The following LYST variants were observed in gnomAD, a reference collection of about 807,000 sequenced individuals.
LYST encodes the protein lysosomal trafficking regulator, also known as lysosomal-trafficking regulator.
LYST carries 192 observed loss-of-function variants against 413.6 expected under a neutral mutation model. The ratio of observed to expected loss-of-function variants is 0.46; its 90% CI spans 0.41 to 0.52. The LOEUF (loss-of-function observed/expected upper bound fraction) is 0.52, where lower values mean the gene tolerates loss of function less well. LYST is among the 20% of genes least tolerant of loss of function. The pLI, the probability that LYST is intolerant of heterozygous loss-of-function variation, is 0.00. For synonymous variants in LYST, 1,525 were observed against 1,567.3 expected, an observed-to-expected ratio of 0.97 and a Z score of 0.64; for missense variants, 3,815 against 4,499.9, an observed-to-expected ratio of 0.85 and a Z score of 4.35.
At position 235,787,284 on chromosome 1, in the gene LYST, T is replaced by A. The variant is rs748175961; in HGVS notation, c.4778A>T (p.Gln1593Leu). 6.2e-7 allele frequency: 1 copy of A among 1,613,614 alleles called. No homozygotes were observed. Among genetic ancestry groups the A allele is most frequent in the South Asian group, 1.1e-5 (1 of 91,076 alleles). ...QENIFLPSKW[Q>L]HLVLTYLQQP... ...CTGTAAGTAGGTGAGTACTAAATGTTGCCATTTGCTTGGGAGGAAAATATT... is the reference window on the plus strand; with the variant it reads ...CTGTAAGTAGGTGAGTACTAAATGTAGCCATTTGCTTGGGAGGAAAATATT... Residue 1593 changes from glutamine (Q) to leucine (L), a missense_variant, in exon 14 of 53, where the codon CAA (glutamine) becomes CTA (leucine). Gln to Leu is a moderately radical substitution (Grantham distance 113). Coordinates refer to ENST00000389793, the MANE Select transcript of LYST (RefSeq NM_000081.4).
chr1:235,738,008 G>T, intron 31 of LYST: 1 of 1,500,180 alleles, frequency 6.7e-7, no homozygotes. Context: ...TCAAGTATAC[G>T]CTCAAGGATC....
intron 37 of LYST, among the ~76,000 whole-genome samples, chr1:235,728,525 C>G (rs955515964): frequency 7.2e-5 from 11 of 152,104 alleles, no homozygotes; most frequent in African/African-American, 2.7e-4. Context: ...AAGTGGTAAA[C>G]CAAATTATCT....
At chr1:235,702,152 G>A (rs754837559) in intron 45 of LYST, among the ~76,000 whole-genome samples, 5 of 152,114 alleles carry the variant, frequency 3.3e-5, no homozygotes, top group South Asian at 2.1e-4. Context: ...TTTTTATAAC[G>A]AAGAATTGAG....
intron 3 of LYST, among the ~76,000 whole-genome samples, chr1:235,818,481 T>C (rs944431012): frequency 5.9e-5 from 9 of 152,148 alleles, no homozygotes; most frequent in African/African-American, 1.9e-4. Flanking sequence ...CTTTAAATTT[T>C]AGATGCAAAA....
rs957731885 is a variant in LYST at position 235,810,041 on chromosome 1, A to G, written c.777T>C (p.His259=). ...NMNNSPFDLC[H]VLLSLLEKVC... is the part of the protein sequence containing the mutation. ...CTTTTTCTAATAAAGATAACAAAAC[A>G]TGACATAAGTCAAATGGAGAATTGT... Residue 259 remains histidine, a synonymous_variant, in exon 5 of 53, where the codon CAT becomes CAC. Coordinates refer to ENST00000389793, the MANE Select transcript of LYST (RefSeq NM_000081.4). 1.2e-5 allele frequency: 19 copies of G among 1,613,942 alleles called. No individual in the cohort carries two copies. In the African/African-American group the frequency reaches 2.4e-4, roughly 20 times the overall value.
chr1:235,741,437 G>A lies in LYST; in HGVS notation c.8343C>T (p.Leu2781=). The A allele has an allele frequency of 6.2e-7, 1 of 1,613,712 alleles. No individual in the cohort carries two copies. Among genetic ancestry groups the A allele is most frequent in the South Asian group, 1.1e-5 (1 of 91,066 alleles). The part of the protein sequence containing the change: ...PNHQEILRDC[L]SPSLQHGAKL... ...AGATACTTACTTGTAGGGATGGGCT[G>A]AGACAGTCTCGTAGTATTTCCTGAT... Residue 2781 remains leucine, a synonymous_variant, in exon 31 of 53, where the codon CTC becomes CTT. Coordinates refer to ENST00000389793, the MANE Select transcript of LYST (RefSeq NM_000081.4).
chr1:235,701,396 G>A (rs1184661156), intron 45 of LYST, among the ~76,000 whole-genome samples: 2 of 152,192 alleles, frequency 1.3e-5, no homozygotes, highest in Non-Finnish European at 2.9e-5. Flanking sequence ...TTGGGAGGCC[G>A]AGGCGGGCAG....
At chr1:235,835,940 TACA>T (rs1349975675) in intron 1 of LYST, among the ~76,000 whole-genome samples, 8 of 152,186 alleles carry the variant, frequency 5.3e-5, no homozygotes, top group African/African-American at 1.9e-4. Context: ...CAATTTCTAA[TACA>T]ACAATTGTTA....
intron 14 of LYST, among the ~76,000 whole-genome samples, chr1:235,782,344 ATT>A (rs569482960): frequency 6.8e-6 from 1 of 147,184 alleles, no homozygotes; most frequent in African/African-American, 2.5e-5. Context: ...AATTTTTTGT[ATT>A]TTTTTTTTAG....
Position 235,792,181 on chromosome 1 carries a change from A to C in LYST, c.4117-56T>G, listed in dbSNP as rs928670251. 3.5e-6 allele frequency: 4 copies of C among 1,147,266 alleles called. No homozygotes were observed. The Admixed American group carries it at 5.9e-5, about 17-fold the overall frequency. The allele number at this position is 1,147,266 out of a possible 1,614,324, so 71.1% of individuals were successfully genotyped here. A position where few individuals can be genotyped will look rare whatever the true frequency, so the allele number is the denominator to read the frequency against. On this transcript the variant is annotated intron_variant, in intron 11 of 52. Transcript: ENST00000389793. ...CTAATCACGTAATAAAGTACATAAT[A>C]ATCTTGAAATTTAGGTTATAAATGA...
chr1:235,882,078 TCACACACACACA>T (rs71174466), intron 1 of LYST, among the ~76,000 whole-genome samples: 1 of 145,732 alleles, frequency 6.9e-6, no homozygotes, highest in African/African-American at 2.6e-5. Context: ...ACTCTTTCTT[TCACACACACACA>T]CACACACACA....
chr1:235,823,736 G>A (rs1675030758), intron 3 of LYST, among the ~76,000 whole-genome samples: 1 of 152,172 alleles, frequency 6.6e-6, no homozygotes, highest in Non-Finnish European at 1.5e-5. Flanking sequence ...CAATTCTTCT[G>A]GTCTGGTGTT....
intron 1 of LYST, among the ~76,000 whole-genome samples, chr1:235,838,387 T>C (rs1336915089): frequency 1.3e-5 from 2 of 152,232 alleles, no homozygotes; most frequent in Admixed American, 6.5e-5. Context: ...CATGGGAATC[T>C]AGATATATTA....
chr1:235,736,101 CTTAAG>C (rs1174341143), intron 31 of LYST: 4 of 152,038 alleles, frequency 2.6e-5, no homozygotes, highest in Admixed American at 6.5e-5. Context: ...TTCTTAAACG[CTTAAG>C]TTGTTTCTAA....
chr1:235,869,901 T>C (rs566931107), upstream of LYST, among the ~76,000 whole-genome samples: 2 of 152,234 alleles, frequency 1.3e-5, no homozygotes, highest in East Asian at 3.9e-4. Context: ...AGTCCTGCTT[T>C]AAGGGCTTTG....
In LYST at chr1:235,731,120, T is replaced by A; in HGVS notation, c.8859A>T (p.Glu2953Asp). The change falls in exon 35 of 53, where the codon GAA (glutamate) becomes GAT (aspartate). Residue 2953 changes from glutamate to aspartate, a missense_variant. Transcript: ENST00000389793. Reference protein sequence around the residue: ...YPTSWQLDPTEGPNRERRRLQ... With the variant: ...YPTSWQLDPTDGPNRERRRLQ... Reference sequence around the variant, plus strand: ...AACGTCTCCTCTCTCGATTTGGCCCTTCTGTTGGATCCAACTGCCATGAGG... The same window carrying A: ...AACGTCTCCTCTCTCGATTTGGCCCATCTGTTGGATCCAACTGCCATGAGG... 1 of 1,613,748 alleles carries A rather than the reference T, an allele frequency of 6.2e-7. No homozygotes were observed. Among genetic ancestry groups the A allele is most frequent in the South Asian group, 1.1e-5 (1 of 91,076 alleles).
chr1:235,664,544 A>T lies in LYST; in HGVS notation c.11116T>A (p.Cys3706Ser), dbSNP rs1481260242. 9 of 1,614,048 alleles carry T rather than the reference A, an allele frequency of 5.6e-6. No homozygotes were observed. Among genetic ancestry groups the T allele is most frequent in the African/African-American group, 2.7e-5 (2 of 74,932 alleles). Residue 3706 changes from cysteine to serine, a missense_variant, in exon 51 of 53, where the codon TGT becomes AGT. Cys to Ser is a moderately radical substitution (Grantham distance 112). Around this residue, in one of 4 missense-constraint regions of LYST, gnomAD observed 866 missense variants for 1,156.0 expected, o/e 0.75. Transcript: ENST00000389793. This position sits in a 1 kb window ranked among gnomAD's most constrained non-coding sequence, Gnocchi z 4.5. The part of the protein sequence containing the change: ...VGHVHCREII[C>S]SVAFSNQPEG... ...GGCTGGTTGGAGAAAGCCACGGAAC[A>T]GATGATCTCCCTGCAGTGGACATGT...
At chr1:235,846,684 A>G (rs558094387) in intron 1 of LYST, among the ~76,000 whole-genome samples, 1 of 152,144 alleles carries the variant, frequency 6.6e-6, no homozygotes, top group Non-Finnish European at 1.5e-5. Context: ...AAAAAAAACA[A>G]TAAAAAATTC....
intron 14 of LYST, among the ~76,000 whole-genome samples, chr1:235,783,286 T>A (rs1047751244): frequency 8.5e-5 from 13 of 152,100 alleles, no homozygotes; most frequent in African/African-American, 2.4e-4. Flanking sequence ...TTTTTTTTTT[T>A]AATAAAGGAA....
Sources: gnomAD v4.1 joint callset for allele counts (sites outside exome capture counted in the v4.1 genomes callset) on GRCh38, gnomAD v4.1.1 for gene constraint, gnomAD v4.1.1 regional missense constraint, Gnocchi (gnomAD v3.1) non-coding constraint, MANE v1.5 for transcripts, NCBI Gene and HGNC (gene_info 2026-07-23, HGNC 2026-07-21) for gene names.